The following SUCLG2 variants were observed in gnomAD, a reference collection of about 807,000 sequenced individuals.
SUCLG2 encodes succinate-CoA ligase GDP-forming subunit beta.
A neutral mutation model predicts 47.9 loss-of-function variants in SUCLG2; 42 were observed. The ratio of observed to expected loss-of-function variants is 0.88; its 90% CI spans 0.69 to 1.14. SUCLG2 has a LOEUF of 1.14. Among genes scored for constraint, SUCLG2 ranks in the 50% most tolerant of loss-of-function variants. SUCLG2 has a pLI of 0.00. For missense variants in SUCLG2, 571 were observed against 525.9 expected (o/e 1.09, Z -0.84); for synonymous variants, 195 against 197.3 (o/e 0.99, Z 0.10).
chr3:67,400,736 A>C lies in SUCLG2; in HGVS notation c.1178T>G (p.Leu393Arg). 1 of 1,611,804 alleles carries C rather than the reference A, an allele frequency of 6.2e-7. No individual in the cohort carries two copies. Among genetic ancestry groups the C allele is most frequent in the Non-Finnish European group, 8.5e-7 (1 of 1,179,924 alleles). The stretch of plus-strand genomic sequence containing the variant: ...GGAAATCTACCATGACTCACCTTCA[A>C]GCCGGACCACCAGGGGCACCTTGAG... Reference protein sequence around the residue: ...LELKVPLVVRLEGTNVQEAQK... With the variant: ...LELKVPLVVRREGTNVQEAQK... Residue 393 changes from leucine (L) to arginine (R), a missense_variant, in exon 10 of 11, where the codon CTT (leucine) becomes CGT (arginine). Coordinates refer to ENST00000307227, the MANE Select transcript of SUCLG2 (RefSeq NM_003848.4).
intron 9 of SUCLG2, among the ~76,000 whole-genome samples, chr3:67,457,684 CTT>C (rs71109889): frequency 0.029 from 1,913 of 65,392 alleles, 6 homozygotes; most frequent in South Asian, 0.061. Context: ...ACAAAAGCAG[CTT>C]TTTTTTTTTT....
At chr3:67,369,855 G>C (rs1369378409), downstream of SUCLG2, among the ~76,000 whole-genome samples, 5 of 152,122 alleles carry the variant, frequency 3.3e-5, no homozygotes, top group African/African-American at 1.2e-4. Context: ...CCCTAAAGAA[G>C]TGGCACTATG....
intron 1 of SUCLG2, among the ~76,000 whole-genome samples, chr3:67,645,245 A>T (rs992652034): frequency 1.2e-4 from 19 of 152,276 alleles, no homozygotes; most frequent in African/African-American, 4.3e-4. Context: ...CATAAAAGCT[A>T]TTTTATACTG....
At chr3:67,519,989 T>C (rs543401653) in intron 5 of SUCLG2, among the ~76,000 whole-genome samples, 18 of 152,300 alleles carry the variant, frequency 1.2e-4, no homozygotes, top group East Asian at 1.9e-4. Flanking sequence ...ATTTCAAGGA[T>C]TGAAAAAAAC....
intron 9 of SUCLG2, among the ~76,000 whole-genome samples, chr3:67,406,353 A>G (rs188884837): frequency 3.9e-5 from 6 of 152,332 alleles, no homozygotes; most frequent in Admixed American, 3.3e-4. Context: ...AAATTAGACA[A>G]AAAGGTTCTA....
At chr3:67,629,466 C>A (rs546338006) in intron 1 of SUCLG2, among the ~76,000 whole-genome samples, 1 of 151,896 alleles carries the variant, frequency 6.6e-6, no homozygotes, top group African/African-American at 2.4e-5. Context: ...CAGAAATGGC[C>A]AAATGGAAGA....
chr3:67,561,170 A>C (rs1352434604), intron 2 of SUCLG2, among the ~76,000 whole-genome samples: 1 of 151,460 alleles, frequency 6.6e-6, no homozygotes, highest in African/African-American at 2.4e-5. Context: ...TCTTATTCCC[A>C]GGGGCTGCTT....
At chr3:67,560,090 C>CT (rs1439503366) in intron 2 of SUCLG2, among the ~76,000 whole-genome samples, 1 of 152,118 alleles carries the variant, frequency 6.6e-6, no homozygotes, top group Non-Finnish European at 1.5e-5. Flanking sequence ...AAGAAAAACT[C>CT]TAAGTCCATG....
At chr3:67,549,620 T>C (rs1008782471) in intron 2 of SUCLG2, among the ~76,000 whole-genome samples, 2 of 152,202 alleles carry the variant, frequency 1.3e-5, no homozygotes, top group South Asian at 4.1e-4. Context: ...ACAATGACTA[T>C]TTATAATGAG....
intron 10 of SUCLG2, among the ~76,000 whole-genome samples, chr3:67,366,816 C>T (rs905789597): frequency 6.6e-5 from 10 of 152,132 alleles, no homozygotes; most frequent in Non-Finnish European, 1.2e-4. Context: ...TGCCATGTTG[C>T]CTTTAACCAG....
chr3:67,440,013 G>A (rs1457146364), intron 9 of SUCLG2, among the ~76,000 whole-genome samples: 1 of 152,116 alleles, frequency 6.6e-6, no homozygotes, highest in Non-Finnish European at 1.5e-5. Context: ...AAACAGCATG[G>A]TATTAGTACC....
intron 4 of SUCLG2, among the ~76,000 whole-genome samples, chr3:67,523,669 A>G (rs1273155805): frequency 1.3e-5 from 2 of 152,200 alleles, no homozygotes; most frequent in East Asian, 1.9e-4. Flanking sequence ...TAAGATAATC[A>G]TTTCTTCTAA....
intron 9 of SUCLG2, among the ~76,000 whole-genome samples, chr3:67,435,774 T>C (rs541833506): frequency 3.3e-5 from 5 of 152,218 alleles, no homozygotes; most frequent in Non-Finnish European, 1.5e-5. Flanking sequence ...CATTATATGC[T>C]CACTCAATTA....
chr3:67,414,137 C>G (rs1189373488), intron 9 of SUCLG2, among the ~76,000 whole-genome samples: 1 of 152,172 alleles, frequency 6.6e-6, no homozygotes, highest in East Asian at 1.9e-4. Context: ...TTGCTCAAGG[C>G]TAGCTGAGGG....
intron 9 of SUCLG2, among the ~76,000 whole-genome samples, chr3:67,405,779 G>T (rs890898306): frequency 6.6e-6 from 1 of 152,176 alleles, no homozygotes; most frequent in South Asian, 2.1e-4. Context: ...TAATCCTCTA[G>T]AGTTGATATA....
At chr3:67,559,213 A>G (rs1302173347) in intron 2 of SUCLG2, among the ~76,000 whole-genome samples, 1 of 152,198 alleles carries the variant, frequency 6.6e-6, no homozygotes, top group Non-Finnish European at 1.5e-5. Context: ...AGGTAGAGTA[A>G]GAGGTCAGAG....
Position 67,641,129 on chromosome 3 carries a change from G to A in SUCLG2, c.84+13374C>T, listed in dbSNP as rs559628239. ...TGCTATTGTTTAAAATATTTCTAGAGCTCCTATTTGGGAAATGACAATAAA... is the reference window on the plus strand; with the variant it reads ...TGCTATTGTTTAAAATATTTCTAGAACTCCTATTTGGGAAATGACAATAAA... On this transcript the variant is annotated intron_variant, in intron 1 of 10. Coordinates refer to ENST00000307227, the MANE Select transcript of SUCLG2 (RefSeq NM_003848.4). 3.0e-4 allele frequency among the ~76,000 whole-genome samples: 46 copies of A among 152,264 alleles called. No homozygotes were observed. In the South Asian group the frequency reaches 8.9e-3, roughly 30 times the overall value.
chr3:67,645,001 G>T (rs1701166301), intron 1 of SUCLG2, among the ~76,000 whole-genome samples: 1 of 152,128 alleles, frequency 6.6e-6, no homozygotes, highest in African/African-American at 2.4e-5. Flanking sequence ...GATTCATCCT[G>T]TAGCACATGA....
chr3:67,628,332 G>A (rs1329987551), intron 1 of SUCLG2, among the ~76,000 whole-genome samples: 1 of 152,192 alleles, frequency 6.6e-6, no homozygotes, highest in African/African-American at 2.4e-5. Context: ...ATGAAGGCGA[G>A]TATGAATGTA....
Sources: allele counts gnomAD v4.1 joint callset (sites outside exome capture counted in the v4.1 genomes callset), GRCh38; gene constraint gnomAD v4.1.1; transcripts MANE v1.5; gene names NCBI Gene and HGNC (gene_info 2026-07-23, HGNC 2026-07-21).